Variants in MED13L observed in about 807,000 individuals in gnomAD.
MED13L encodes the protein mediator complex subunit 13L, also known as mediator of RNA polymerase II transcription subunit 13-like.
Under a neutral mutation model 220.9 loss-of-function variants are expected in MED13L, and 7 were observed. That is an observed-to-expected ratio of 0.03 (90% CI 0.02 to 0.06). The LOEUF is 0.06. Among genes scored for constraint, MED13L ranks in the 10% least tolerant of loss-of-function variants. The probability of loss-of-function intolerance (pLI) is 1.00; values close to 1 mark genes in which losing one functional copy is unlikely to be tolerated. For synonymous variants in MED13L, 1,011 were observed against 1,015.2 expected, an observed-to-expected ratio of 1.00 and a Z score of 0.08; for missense variants, 1,965 against 2,760.5, an observed-to-expected ratio of 0.71 and a Z score of 6.46.
chr12:115,997,432 T>C (rs1050716458), intron 14 of MED13L, among the ~76,000 whole-genome samples: 2 of 152,206 alleles, frequency 1.3e-5, no homozygotes, highest in Non-Finnish European at 2.9e-5. Context: ...TGTTTTGTTT[T>C]GTTTCGTGAG....
intron 23 of MED13L, among the ~76,000 whole-genome samples, chr12:115,978,618 C>T (rs999022160): frequency 4.6e-5 from 7 of 152,126 alleles, no homozygotes; most frequent in Non-Finnish European, 8.8e-5. Flanking sequence ...TGAGCCACCG[C>T]GCCCGGCCTG....
intron 2 of MED13L, among the ~76,000 whole-genome samples, chr12:116,140,266 C>T (rs1460928211): frequency 1.3e-5 from 2 of 152,126 alleles, no homozygotes; most frequent in Non-Finnish European, 2.9e-5. Flanking sequence ...TCATCCCATT[C>T]CCAATTAGAG....
intron 2 of MED13L, among the ~76,000 whole-genome samples, chr12:116,137,449 T>C (rs1876655718): frequency 6.6e-6 from 1 of 152,144 alleles, no homozygotes; most frequent in Non-Finnish European, 1.5e-5. Flanking sequence ...ATGAATGAGC[T>C]AGAAACAGAA....
At chr12:116,248,499 T>C (rs1035169192) in intron 1 of MED13L, among the ~76,000 whole-genome samples, 7 of 152,152 alleles carry the variant, frequency 4.6e-5, no homozygotes, top group African/African-American at 1.7e-4. Context: ...AAGGGTTCCT[T>C]TCACACCTGA....
chr12:116,012,106 A>C (rs1879447377), intron 9 of MED13L, among the ~76,000 whole-genome samples: 1 of 152,234 alleles, frequency 6.6e-6, no homozygotes, highest in South Asian at 2.1e-4. Context: ...AGTCGTGGTG[A>C]AAAATCATCA....
intron 4 of MED13L, among the ~76,000 whole-genome samples, chr12:116,036,811 T>A (rs1881222092): frequency 6.6e-6 from 1 of 152,204 alleles, no homozygotes; most frequent in African/African-American, 2.4e-5. Context: ...TATGTTGAGG[T>A]CCTTTGCTTG....
intron 1 of MED13L, chr12:116,276,808 C>T (rs1873889322): frequency 8.4e-7 from 1 of 1,188,972 alleles, no homozygotes; most frequent in African/African-American, 1.6e-5. Context: ...AGCTCCGAGA[C>T]TTCCACATGC....
intron 25 of MED13L, among the ~76,000 whole-genome samples, chr12:115,972,967 C>T (rs1184712919): frequency 6.6e-6 from 1 of 152,148 alleles, no homozygotes; most frequent in East Asian, 1.9e-4. Flanking sequence ...ATGCATCACC[C>T]CTGCTTTCGG....
At chr12:115,985,651 T>C (rs1464783947) in intron 19 of MED13L, among the ~76,000 whole-genome samples, 1 of 152,198 alleles carries the variant, frequency 6.6e-6, no homozygotes, top group Non-Finnish European at 1.5e-5. Flanking sequence ...ACAGACATGA[T>C]TCTATTTTTT....
intron 22 of MED13L, chr12:115,981,907 T>A (rs145492030): frequency 6.2e-6 from 1 of 161,386 alleles, no homozygotes; most frequent in Admixed American, 6.0e-5. Flanking sequence ...GACGGAATTA[T>A]GACTATTTTT....
chr12:116,126,102 G>A (rs1430745768), intron 2 of MED13L, among the ~76,000 whole-genome samples: 2 of 152,130 alleles, frequency 1.3e-5, no homozygotes, highest in East Asian at 3.9e-4. Flanking sequence ...CTTAAGCCAA[G>A]AAGTTTCCAA....
At chr12:116,192,582 T>C (rs1881352994) in intron 2 of MED13L, among the ~76,000 whole-genome samples, 2 of 152,202 alleles carry the variant, frequency 1.3e-5, no homozygotes, top group Admixed American at 1.3e-4. Context: ...ACATTAGACA[T>C]ACCGGAAACA....
intron 2 of MED13L, among the ~76,000 whole-genome samples, chr12:116,126,614 A>G (rs985905834): frequency 6.6e-6 from 1 of 152,246 alleles, no homozygotes; most frequent in African/African-American, 2.4e-5. Context: ...AAGAGTTTGC[A>G]AAGAGGATAG....
In MED13L at chr12:115,993,157, T is replaced by C. The variant is rs117829733; in HGVS notation, c.2997-1200A>G. Among the ~76,000 whole-genome samples, 85 of 152,262 alleles carry C rather than the reference T, an allele frequency of 5.6e-4. 1 individual carries two copies. The East Asian group carries it at 0.016, about 29-fold the overall frequency. ...TACAAGGAAATACTCTGCCATTTTA[T>C]ATAGGGTACTTGAGCATCTTCAGAT... On this transcript the variant is annotated intron_variant, in intron 16 of 30. Coordinates refer to ENST00000281928, the MANE Select transcript of MED13L (RefSeq NM_015335.5).
chr12:116,156,601 C>CG (rs1878462573), intron 2 of MED13L, among the ~76,000 whole-genome samples: 2 of 151,950 alleles, frequency 1.3e-5, no homozygotes, highest in African/African-American at 4.8e-5. Context: ...AACTACTAAG[C>CG]GAAGTTTTAA....
intron 6 of MED13L, 29 bp downstream of exon 6, chr12:116,019,749 A>T (rs1879942461): frequency 4.4e-6 from 7 of 1,589,078 alleles, no homozygotes; most frequent in Non-Finnish European, 6.0e-6. Flanking sequence ...AGAAGAATAA[A>T]GTTCTTCAGG....
chr12:116,238,221 G>A lies in MED13L; in HGVS notation c.73-516C>T, dbSNP rs1452294852. Among the ~76,000 whole-genome samples the A allele has an allele frequency of 3.9e-5, 6 of 152,248 alleles. No individual in the cohort carries two copies. In the South Asian group the frequency reaches 6.2e-4, roughly 16 times the overall value. ...TCATGAATGCCAAAAGTCTATTTAG[G>A]TAGAAGCAATTAAGAAAACTGATAC... On this transcript the variant is annotated intron_variant, in intron 1 of 30. Coordinates refer to ENST00000281928, the MANE Select transcript of MED13L (RefSeq NM_015335.5).
chr12:116,250,467 A>T (rs1871439904), intron 1 of MED13L, among the ~76,000 whole-genome samples: 1 of 152,002 alleles, frequency 6.6e-6, no homozygotes, highest in Non-Finnish European at 1.5e-5. Flanking sequence ...ATAAATAAAA[A>T]ATACTTTTTT....
chr12:116,066,079 AGTCT>A (rs1869897392), intron 4 of MED13L, among the ~76,000 whole-genome samples: 1 of 152,320 alleles, frequency 6.6e-6, no homozygotes, highest in South Asian at 2.1e-4. Flanking sequence ...AGTCGGATTC[AGTCT>A]GTCTTTGACT....
Sources: allele counts gnomAD v4.1 joint callset (sites outside exome capture counted in the v4.1 genomes callset), GRCh38; gene constraint gnomAD v4.1.1; transcripts MANE v1.5; gene names NCBI Gene and HGNC (gene_info 2026-07-23, HGNC 2026-07-21).